Variants in PPA1 observed in about 807,000 individuals in gnomAD.
PPA1 encodes inorganic pyrophosphatase 1, also known as inorganic pyrophosphatase.
PPA1 carries 23 observed loss-of-function variants against 41.8 expected under a neutral mutation model. The observed-to-expected ratio is 0.55, with a 90% CI of 0.40 to 0.78. The LOEUF (loss-of-function observed/expected upper bound fraction) is 0.78, where lower values mean the gene tolerates loss of function less well. PPA1 is among the 30% of genes least tolerant of loss of function. PPA1 has a pLI of 0.00. For synonymous variants in PPA1, 101 were observed against 116.8 expected, an observed-to-expected ratio of 0.86 and a Z score of 0.87; for missense variants, 320 against 361.6, an observed-to-expected ratio of 0.89 and a Z score of 0.93.
intron 1 of PPA1, among the ~76,000 whole-genome samples, chr10:70,230,758 C>T (rs545743999): frequency 3.3e-5 from 5 of 152,152 alleles, no homozygotes; most frequent in African/African-American, 7.2e-5. Context: ...GGTGAGCCAC[C>T]GCACCCTGCA....
intron 2 of PPA1, among the ~76,000 whole-genome samples, chr10:70,225,457 C>T (rs1209719596): frequency 1.3e-5 from 2 of 152,028 alleles, no homozygotes; most frequent in African/African-American, 2.4e-5. Context: ...TCAAGCAATT[C>T]GTCCACCTAG....
At chr10:70,230,797 A>G (rs1252782245) in intron 1 of PPA1, among the ~76,000 whole-genome samples, 2 of 152,128 alleles carry the variant, frequency 1.3e-5, no homozygotes, top group Non-Finnish European at 2.9e-5. Flanking sequence ...TTAAACCAAG[A>G]TATTATTCTT....
chr10:70,231,732 T>C (rs574093520), intron 1 of PPA1, among the ~76,000 whole-genome samples: 2 of 152,236 alleles, frequency 1.3e-5, no homozygotes, highest in South Asian at 2.1e-4. Flanking sequence ...TGGATAACTA[T>C]GTAGTGGGTT....
Position 70,233,272 on chromosome 10 carries a change from A to C in PPA1, c.56T>G (p.Val19Gly). 6.5e-7 allele frequency: 1 copy of C among 1,541,892 alleles called. No homozygotes were observed. The highest frequency in any genetic ancestry group is 1.2e-5 in the South Asian group (1 of 82,734). Residue 19 changes from valine (V) to glycine (G), a missense_variant, in exon 1 of 11, where the codon GTC becomes GGC. Coordinates refer to ENST00000373232, the MANE Select transcript of PPA1 (RefSeq NM_021129.4). ...RAAPFSLEYR[V>G]FLKNEKGQYI... is the part of the protein sequence containing the mutation. ...GGGCCGCAGACACTCACTGAGGAAG[A>C]CTCGGTACTCCAGGGAGAAGGGCGC...
intron 2 of PPA1, among the ~76,000 whole-genome samples, chr10:70,229,591 C>T (rs1840266337): frequency 6.6e-6 from 1 of 151,964 alleles, no homozygotes; most frequent in South Asian, 2.1e-4. Context: ...TTAACTCTAT[C>T]TTAACTGTGC....
intron 2 of PPA1, among the ~76,000 whole-genome samples, chr10:70,227,368 G>A (rs1247048951): frequency 6.6e-6 from 1 of 152,210 alleles, no homozygotes; most frequent in Admixed American, 6.6e-5. Context: ...TCCTGATATG[G>A]GTTGGACACA....
intron 6 of PPA1, among the ~76,000 whole-genome samples, chr10:70,211,043 G>C (rs1450025076): frequency 6.6e-6 from 1 of 152,166 alleles, no homozygotes; most frequent in Non-Finnish European, 1.5e-5. Context: ...GATTACAGGC[G>C]TGAGCCACCG....
At chr10:70,221,229 C>T (rs1840165500) in intron 2 of PPA1, among the ~76,000 whole-genome samples, 1 of 148,910 alleles carries the variant, frequency 6.7e-6, no homozygotes, top group Admixed American at 6.9e-5. Flanking sequence ...AAAACGGGAA[C>T]TGATAAGCCA....
Position 70,203,576 on chromosome 10 carries a change from G to T in PPA1, c.839-390C>A, listed in dbSNP as rs1027006814. The stretch of plus-strand genomic sequence containing the variant: ...GTGCCACCACATCTAGCAAATTTTT[G>T]TATTTTTTTTTTGTAGAGACATGGT... On this transcript the variant is annotated intron_variant, in intron 10 of 10. Coordinates refer to ENST00000373232, the MANE Select transcript of PPA1 (RefSeq NM_021129.4). 2.4e-5 allele frequency: 4 copies of T among 164,042 alleles called. No homozygotes were observed. In the South Asian group the frequency reaches 4.3e-4, roughly 18 times the overall value. 10.2% of individuals were successfully genotyped at this position (164,042 alleles called of 1,614,324 possible).
chr10:70,218,910 TG>T, intron 2 of PPA1, 93 bp from the exon 3 acceptor site: 1 of 869,048 alleles, frequency 1.2e-6, no homozygotes, highest in Non-Finnish European at 1.9e-6. Flanking sequence ...AACTGTTCAT[TG>T]TATCAGATCT....
At chr10:70,206,474 C>G in intron 8 of PPA1, 141 bp from the exon 9 acceptor site, 1 of 637,692 alleles carries the variant, frequency 1.6e-6, no homozygotes, top group South Asian at 1.9e-5. Flanking sequence ...ATTTAACATT[C>G]TAATTATGTA....
Position 70,209,280 on chromosome 10 carries a change from A to G in PPA1, c.650T>C (p.Ile217Thr). ...NAEFKDKDFAIDIIKSTHDHW... is the reference protein window; with the variant it reads ...NAEFKDKDFATDIIKSTHDHW... ...GTCATGAGTGCTTTTAATAATATCA[A>G]TGGCAAAGTCCTATAATTTGAAGAG... Residue 217 changes from isoleucine (I) to threonine (T), a missense_variant, in exon 8 of 11, where the codon ATT becomes ACT. Coordinates refer to ENST00000373232, the MANE Select transcript of PPA1 (RefSeq NM_021129.4). 1 of 1,588,490 alleles carries G rather than the reference A, an allele frequency of 6.3e-7. No homozygotes were observed. The highest frequency in any genetic ancestry group is 8.6e-7 in the Non-Finnish European group (1 of 1,158,486).
At chr10:70,203,295 T>C in intron 10 of PPA1, 109 bp from the exon 11 acceptor site, 1 of 994,012 alleles carries the variant, frequency 1.0e-6, no homozygotes, top group South Asian at 1.4e-5. Context: ...CTACTATGAA[T>C]TACCTGAAAA....
chr10:70,205,974 T>G, intron 9 of PPA1: 2 of 337,774 alleles, frequency 5.9e-6, no homozygotes, highest in Non-Finnish European at 1.1e-5. Flanking sequence ...TTATGATGGG[T>G]CATAGGCACA....
chr10:70,210,767 A>ATTTTT (rs199787186), intron 6 of PPA1, among the ~76,000 whole-genome samples: 1 of 79,650 alleles, frequency 1.3e-5, no homozygotes, highest in Non-Finnish European at 3.1e-5. Flanking sequence ...CTTCACTCCA[A>ATTTTT]TTTATTTTTT....
intron 4 of PPA1, among the ~76,000 whole-genome samples, chr10:70,216,590 T>C (rs764711181): frequency 6.6e-6 from 1 of 152,190 alleles, no homozygotes; most frequent in Non-Finnish European, 1.5e-5. Context: ...GTCAGACCTA[T>C]GTTCTACTAT....
In PPA1 at chr10:70,220,835, T is replaced by TC. The variant is rs1564584333; in HGVS notation, c.124-2019_124-2018insG. Among the ~76,000 whole-genome samples, 4 of 49,310 alleles carry TC rather than the reference T, an allele frequency of 8.1e-5. 1 individual carries two copies. The highest frequency in any genetic ancestry group is 3.7e-4 in the African/African-American group (4 of 10,688). The allele number at this position is 49,310 out of a possible 152,430, so 32.3% of individuals were successfully genotyped here. A position where few individuals can be genotyped will look rare whatever the true frequency, so the allele number is the denominator to read the frequency against. ...TTTTTATATATATTATATATATAAT[T>TC]TTTATATATATTATATATATAATTC... On this transcript the variant is annotated intron_variant, in intron 2 of 10. Transcript: ENST00000373232.
chr10:70,205,535 A>G (rs1839929883), intron 9 of PPA1: 1 of 152,184 alleles, frequency 6.6e-6, no homozygotes, highest in Admixed American at 6.5e-5. Flanking sequence ...AAAAATTATA[A>G]TAGTTAACCA....
At chr10:70,207,634 T>C (rs1839960831) in intron 8 of PPA1, among the ~76,000 whole-genome samples, 1 of 152,150 alleles carries the variant, frequency 6.6e-6, no homozygotes, top group Admixed American at 6.5e-5. Context: ...CACTTCAGCC[T>C]GGGCGAGAGA....
Sources: allele counts gnomAD v4.1 joint callset (sites outside exome capture counted in the v4.1 genomes callset), GRCh38; gene constraint gnomAD v4.1.1; transcripts MANE v1.5; gene names NCBI Gene and HGNC (gene_info 2026-07-23, HGNC 2026-07-21).